Variants in FRMD4A observed in about 807,000 individuals in gnomAD.
FRMD4A encodes FERM domain-containing protein 4A.
Under a neutral mutation model 129.1 loss-of-function variants are expected in FRMD4A, and 29 were observed. The ratio of observed to expected loss-of-function variants is 0.22; its 90% CI spans 0.17 to 0.31. The LOEUF (loss-of-function observed/expected upper bound fraction) is 0.31, where lower values mean the gene tolerates loss of function less well. Ranked by LOEUF, FRMD4A falls within the 10% of genes least tolerant of loss-of-function variation. The pLI is 1.00. For missense variants in FRMD4A, 1,272 were observed against 1,375.8 expected (o/e 0.92, Z 1.19); for synonymous variants, 634 against 571.6 (o/e 1.11, Z -1.56).
intron 3 of FRMD4A, among the ~76,000 whole-genome samples, chr10:13,817,830 C>T (rs1177842808): frequency 1.3e-5 from 2 of 152,184 alleles, no homozygotes; most frequent in Non-Finnish European, 2.9e-5. Flanking sequence ...ACCCACATGA[C>T]AACATCCTTT....
chr10:13,916,351 T>C (rs2095005844), intron 2 of FRMD4A, among the ~76,000 whole-genome samples: 1 of 152,196 alleles, frequency 6.6e-6, no homozygotes, highest in Non-Finnish European at 1.5e-5. Flanking sequence ...TCACTTTTCC[T>C]TTGCTTCTAC....
intron 2 of FRMD4A, among the ~76,000 whole-genome samples, chr10:14,187,445 T>C (rs12414910): frequency 1.6e-3 from 240 of 152,314 alleles, no homozygotes; most frequent in East Asian, 0.013. Context: ...ATGTCCTTTG[T>C]AAATAAAGGA....
intron 2 of FRMD4A, among the ~76,000 whole-genome samples, chr10:14,171,012 G>A (rs1467927078): frequency 2.1e-4 from 1 of 4,800 alleles, no homozygotes; most frequent in Non-Finnish European, 4.3e-4. Flanking sequence ...AATACGAGGG[G>A]AGTTTTTTTT....
In FRMD4A at chr10:14,045,902, A is replaced by G. The variant is rs146314518; in HGVS notation, c.46-186990T>C. Among the ~76,000 whole-genome samples, 1,631 of 146,920 alleles carry G rather than the reference A, an allele frequency of 0.011. 61 individuals carry two copies. In the East Asian group the frequency reaches 0.11, roughly 10 times the overall value. On this transcript the variant is annotated intron_variant, in intron 2 of 24. Coordinates refer to ENST00000357447, the MANE Select transcript of FRMD4A (RefSeq NM_018027.5). ...ATGGTATAATTATGATAGTAAAACT[A>G]TATTATAATTATCATATTTAATGTA...
At chr10:14,199,316 T>G (rs2131936963) in intron 2 of FRMD4A, among the ~76,000 whole-genome samples, 1 of 150,774 alleles carries the variant, frequency 6.6e-6, no homozygotes, top group South Asian at 2.1e-4. Flanking sequence ...ATTTATTTAT[T>G]TATTTATTTA....
chr10:14,205,806 CAAAAAAAAAA>C (rs59803872), intron 2 of FRMD4A, among the ~76,000 whole-genome samples: 1 of 67,334 alleles, frequency 1.5e-5, no homozygotes, highest in South Asian at 5.3e-4. Flanking sequence ...GACTCTGTCT[CAAAAAAAAAA>C]AAAAAAAAAA....
At chr10:13,957,299 A>C (rs2095415405) in intron 2 of FRMD4A, among the ~76,000 whole-genome samples, 1 of 152,060 alleles carries the variant, frequency 6.6e-6, no homozygotes. Context: ...TGCTGCCCAG[A>C]CTGGAGTGCA....
chr10:14,257,666 A>G (rs921772228), intron 2 of FRMD4A, among the ~76,000 whole-genome samples: 1 of 152,226 alleles, frequency 6.6e-6, no homozygotes, highest in Non-Finnish European at 1.5e-5. Flanking sequence ...AAACAGAGAC[A>G]CGGAAACATA....
intron 2 of FRMD4A, chr10:13,971,728 G>A (rs1204832027): frequency 7.7e-7 from 1 of 1,304,408 alleles, no homozygotes; most frequent in South Asian, 1.2e-5. Context: ...TCACTTGGCA[G>A]GTCCTCAGCG....
chr10:14,144,535 C>T (rs1321037512), intron 2 of FRMD4A, among the ~76,000 whole-genome samples: 2 of 152,124 alleles, frequency 1.3e-5, no homozygotes, highest in Admixed American at 1.3e-4. Context: ...TGAGTTTCTG[C>T]TTGAAACCAC....
intron 2 of FRMD4A, among the ~76,000 whole-genome samples, chr10:14,140,349 C>T (rs1169140902): frequency 6.6e-6 from 1 of 152,212 alleles, no homozygotes; most frequent in Non-Finnish European, 1.5e-5. Flanking sequence ...AGATGTGAGC[C>T]ACCCCCCTTG....
At chr10:14,181,514 T>G (rs911273058) in intron 2 of FRMD4A, among the ~76,000 whole-genome samples, 3 of 152,234 alleles carry the variant, frequency 2.0e-5, no homozygotes, top group Non-Finnish European at 4.4e-5. Flanking sequence ...AAAGTTAGCA[T>G]GCAGGGTAGC....
chr10:13,920,855 C>T (rs2095062438), intron 2 of FRMD4A, among the ~76,000 whole-genome samples: 1 of 152,072 alleles, frequency 6.6e-6, no homozygotes, highest in African/African-American at 2.4e-5. Flanking sequence ...AGCATGTGAC[C>T]AGTTATACAC....
chr10:14,188,339 C>G (rs1033205819), intron 2 of FRMD4A, among the ~76,000 whole-genome samples: 2 of 152,110 alleles, frequency 1.3e-5, no homozygotes, highest in African/African-American at 4.8e-5. Context: ...CCACTGAAAT[C>G]CTACAATTGG....
intron 2 of FRMD4A, among the ~76,000 whole-genome samples, chr10:14,021,786 C>A (rs1832768801): frequency 6.6e-6 from 1 of 151,938 alleles, no homozygotes; most frequent in Non-Finnish European, 1.5e-5. Flanking sequence ...CTTTTGTGCA[C>A]CTCACCGATA....
At position 14,225,019 on chromosome 10, in the gene FRMD4A, T is replaced by G. The variant is rs140566731; in HGVS notation, c.45+105039A>C. Among the ~76,000 whole-genome samples, 1,385 of 152,264 alleles carry G rather than the reference T, an allele frequency of 9.1e-3. 20 individuals are homozygous for G. Among genetic ancestry groups the G allele is most frequent in the African/African-American group, 0.031 (1,285 of 41,540 alleles). On this transcript the variant is annotated intron_variant, in intron 2 of 24. Coordinates refer to ENST00000357447, the MANE Select transcript of FRMD4A (RefSeq NM_018027.5). ...ACAACATCTGAACTCTAAAAATCCC[T>G]AAAAATGCAAGTGTCCCCCATAGTA... is the stretch of plus-strand genomic sequence containing the variant.
At chr10:14,130,996 G>A (rs926855349) in intron 2 of FRMD4A, among the ~76,000 whole-genome samples, 20 of 152,272 alleles carry the variant, frequency 1.3e-4, no homozygotes, top group African/African-American at 4.6e-4. Flanking sequence ...TGGTTTGCAT[G>A]CCTGACACCA....
chr10:14,206,542 A>T (rs1289402717), intron 2 of FRMD4A, among the ~76,000 whole-genome samples: 1 of 152,128 alleles, frequency 6.6e-6, no homozygotes, highest in African/African-American at 2.4e-5. Context: ...TCACGCCTGT[A>T]ATCCCAACAC....
At chr10:13,689,198 C>CG (rs61670615) in intron 15 of FRMD4A, among the ~76,000 whole-genome samples, 1 of 68,070 alleles carries the variant, frequency 1.5e-5, no homozygotes, top group Non-Finnish European at 3.2e-5. Context: ...AAACTCTTTG[C>CG]GGGGGGGGGG....
Sources: allele counts gnomAD v4.1 joint callset (sites outside exome capture counted in the v4.1 genomes callset), GRCh38; gene constraint gnomAD v4.1.1; transcripts MANE v1.5; gene names NCBI Gene and HGNC (gene_info 2026-07-23, HGNC 2026-07-21).